Variants in LYPD1 observed in about 807,000 individuals in gnomAD.
LYPD1 encodes the protein LY6/PLAUR domain containing 1.
LYPD1 carries 14 observed loss-of-function variants against 14.2 expected under a neutral mutation model. That is an observed-to-expected ratio of 0.99 (90% CI 0.65 to 1.54). The LOEUF (loss-of-function observed/expected upper bound fraction) is 1.54. LYPD1 is among the 40% of genes most tolerant of loss of function. The pLI is 0.00. For synonymous variants in LYPD1, 85 were observed against 70.6 expected (o/e 1.20, Z -1.02); for missense variants, 165 against 175.7 (o/e 0.94, Z 0.34).
chr2:132,667,440 T>C (rs1156324849), intron 2 of LYPD1, among the ~76,000 whole-genome samples: 1 of 152,208 alleles, frequency 6.6e-6, no homozygotes, highest in East Asian at 1.9e-4. Context: ...AGTCCTTGCA[T>C]TGATTTGCCA....
chr2:132,646,383 A>ACAGCCCAGAGACTAGG (rs1682079382), intron 2 of LYPD1, 103 bp from the exon 3 acceptor site: 3 of 698,694 alleles, frequency 4.3e-6, no homozygotes, highest in Non-Finnish European at 6.5e-6. Flanking sequence ...TACTCCTCCC[A>ACAGCCCAGAGACTAGG]CAGCCCAGAG....
intron 2 of LYPD1, among the ~76,000 whole-genome samples, chr2:132,660,761 A>G (rs1196868122): frequency 6.6e-6 from 1 of 152,228 alleles, no homozygotes; most frequent in African/African-American, 2.4e-5. Flanking sequence ...TTAACAGAGA[A>G]GAAAAGATAT....
intron 2 of LYPD1, among the ~76,000 whole-genome samples, chr2:132,660,296 T>C (rs1682859108): frequency 6.6e-6 from 1 of 152,246 alleles, no homozygotes. Flanking sequence ...GCTTGAGCCA[T>C]CGCTGCTCTA....
chr2:132,661,972 G>A (rs1035255776), intron 2 of LYPD1, among the ~76,000 whole-genome samples: 6 of 148,756 alleles, frequency 4.0e-5, no homozygotes, highest in Non-Finnish European at 7.4e-5. Context: ...AGAAGTGAAA[G>A]GTACTTGAAT....
At chr2:132,652,689 C>T (rs1682403135) in intron 2 of LYPD1, among the ~76,000 whole-genome samples, 1 of 152,172 alleles carries the variant, frequency 6.6e-6, no homozygotes. Context: ...CAGGAGTGTG[C>T]CCATGGAACA....
At chr2:132,653,312 G>A (rs749107198) in intron 2 of LYPD1, among the ~76,000 whole-genome samples, 21 of 152,232 alleles carry the variant, frequency 1.4e-4, no homozygotes, top group Non-Finnish European at 2.4e-4. Flanking sequence ...CAAAGCTGGA[G>A]TTTTGGTTGG....
intron 2 of LYPD1, among the ~76,000 whole-genome samples, chr2:132,664,509 TCTTGTATTGCAAAACA>T (rs1683159582): frequency 1.3e-5 from 2 of 152,176 alleles, no homozygotes; most frequent in South Asian, 4.1e-4. Context: ...AATCAGTAAC[TCTTGTATTGCAAAACA>T]GACAAATAGA....
chr2:132,652,163 C>G (rs895630613), intron 2 of LYPD1, among the ~76,000 whole-genome samples: 3 of 152,176 alleles, frequency 2.0e-5, no homozygotes, highest in Non-Finnish European at 4.4e-5. Flanking sequence ...TCCCTTCATC[C>G]CTGCATGATT....
In LYPD1 at chr2:132,645,879, G is replaced by T; in HGVS notation, c.*166C>A. The T allele has an allele frequency of 1.5e-6, 1 of 654,452 alleles. No homozygotes were observed. The highest frequency in any genetic ancestry group is 2.6e-6 in the Non-Finnish European group (1 of 390,782). The allele number at this position is 654,452 out of a possible 1,614,324, so 40.5% of individuals were successfully genotyped here. On this transcript the variant is annotated 3_prime_UTR_variant, in exon 3 of 3. Transcript: ENST00000397463. ...CAGTCAGGCTGAATTTATTCAGAAT[G>T]CTTTACCGAGCTCTTTCATTATTTG... is the stretch of plus-strand genomic sequence containing the variant.
chr2:132,656,073 G>C (rs749429378), intron 2 of LYPD1, among the ~76,000 whole-genome samples: 3 of 152,138 alleles, frequency 2.0e-5, no homozygotes, highest in Non-Finnish European at 2.9e-5. Flanking sequence ...TATTTTTCCA[G>C]TTTTTTCACT....
chr2:132,668,569 G>A (rs201992098), intron 1 of LYPD1, 32 bp from the exon 2 acceptor site: 388 of 1,605,092 alleles, frequency 2.4e-4, no homozygotes, highest in Non-Finnish European at 3.3e-4. Flanking sequence ...GTTCAGATCC[G>A]GCCCCCACAG....
chr2:132,647,900 C>G (rs922556688), intron 2 of LYPD1, among the ~76,000 whole-genome samples: 7 of 152,114 alleles, frequency 4.6e-5, no homozygotes, highest in African/African-American at 1.7e-4. Flanking sequence ...CTAAAACTTC[C>G]AAGTGGGAGG....
chr2:132,662,939 TAAAC>T (rs560754615), intron 2 of LYPD1: 251 of 152,288 alleles, frequency 1.6e-3, no homozygotes, highest in African/African-American at 5.8e-3. Context: ...AAAGTTAACA[TAAAC>T]AAATACTTCA....
chr2:132,646,565 A>AGCTC (rs1682096886), intron 2 of LYPD1: 4 of 312,484 alleles, frequency 1.3e-5, no homozygotes, highest in Non-Finnish European at 2.3e-5. Context: ...ACTTATTTAC[A>AGCTC]TTTTAAGTCA....
In LYPD1 at chr2:132,645,486, G is replaced by A. The variant is rs1047780622; in HGVS notation, c.*559C>T. 1 of 1,613,866 alleles carries A rather than the reference G, an allele frequency of 6.2e-7. No homozygotes were observed. Among genetic ancestry groups the A allele is most frequent in the Non-Finnish European group, 8.5e-7 (1 of 1,180,036 alleles). ...AGAAGATTTTCTTAAGCACTTTTCA[G>A]AGCGAGGCCGAGCCCCAGTCTAAGT... On this transcript the variant is annotated 3_prime_UTR_variant, in exon 3 of 3. Transcript: ENST00000397463.
At chr2:132,665,254 A>G (rs1683204163) in intron 2 of LYPD1, among the ~76,000 whole-genome samples, 1 of 152,238 alleles carries the variant, frequency 6.6e-6, no homozygotes, top group South Asian at 2.1e-4. Context: ...AGGCCTATGC[A>G]TATTGCATGG....
intron 2 of LYPD1, among the ~76,000 whole-genome samples, chr2:132,651,355 G>A (rs1437027199): frequency 1.3e-5 from 2 of 152,168 alleles, no homozygotes; most frequent in Non-Finnish European, 2.9e-5. Context: ...CGAAGCTCAA[G>A]TCTCAGGGTC....
At chr2:132,651,133 T>C (rs1424116822) in intron 2 of LYPD1, among the ~76,000 whole-genome samples, 2 of 152,196 alleles carry the variant, frequency 1.3e-5, no homozygotes, top group African/African-American at 4.8e-5. Context: ...GGCCACAGGA[T>C]AGGAGTGGGA....
At position 132,646,239 on chromosome 2, in the gene LYPD1, G is replaced by T. The variant is rs745908939; in HGVS notation, c.232C>A (p.Leu78Ile). ...GACTGGTACCCGGCAGAGGCGATGAGACAGGCCGCTGATGATGCACAGGAC... is the reference window on the plus strand; with the variant it reads ...GACTGGTACCCGGCAGAGGCGATGATACAGGCCGCTGATGATGCACAGGAC... The part of the protein sequence containing the change: ...RKSCASSAAC[L>I]IASAGYQSFC... The change falls in exon 3 of 3, where the codon CTC (leucine) becomes ATC (isoleucine). Residue 78 changes from leucine (L) to isoleucine (I), a missense_variant. Coordinates refer to ENST00000397463, the MANE Select transcript of LYPD1 (RefSeq NM_144586.7). 2 of 1,583,414 alleles carry T rather than the reference G, an allele frequency of 1.3e-6. No individual in the cohort carries two copies. The highest frequency in any genetic ancestry group is 2.7e-5 in the African/African-American group (2 of 74,162).
Sources: gnomAD v4.1 joint callset for allele counts (sites outside exome capture counted in the v4.1 genomes callset) on GRCh38, gnomAD v4.1.1 for gene constraint, MANE v1.5 for transcripts, NCBI Gene and HGNC (gene_info 2026-07-23, HGNC 2026-07-21) for gene names.